SLC37A3: variants seen among roughly 807,000 people sequenced by gnomAD.
SLC37A3 encodes solute carrier family 37 member 3.
SLC37A3 carries 51 observed loss-of-function variants against 67.1 expected under a neutral mutation model. The ratio of observed to expected loss-of-function variants is 0.76; its 90% confidence interval spans 0.61 to 0.96. The LOEUF (loss-of-function observed/expected upper bound fraction) is 0.96. Ranked by LOEUF, SLC37A3 falls within the 40% of genes least tolerant of loss-of-function variation. The probability of loss-of-function intolerance (pLI) is 0.00; values close to 1 mark genes in which losing one functional copy is unlikely to be tolerated. For synonymous variants in SLC37A3, 214 were observed against 231.4 expected (o/e 0.92, Z 0.68); for missense variants, 508 against 603.0 (o/e 0.84, Z 1.65).
At chr7:140,340,833 C>T (rs1796332458) in intron 13 of SLC37A3, among the ~76,000 whole-genome samples, 4 of 151,804 alleles carry the variant, frequency 2.6e-5, no homozygotes, top group Admixed American at 2.6e-4. Context: ...TGGGAGGCTG[C>T]AGTGGGAAAA....
intron 5 of SLC37A3, among the ~76,000 whole-genome samples, chr7:140,360,926 G>T (rs6978245): frequency 6.6e-6 from 1 of 151,746 alleles, no homozygotes; most frequent in Non-Finnish European, 1.5e-5. Flanking sequence ...GGCTGTCCTT[G>T]TCTAGGGAAT....
intron 14 of SLC37A3, among the ~76,000 whole-genome samples, chr7:140,337,068 C>A (rs1348651401): frequency 7.7e-6 from 1 of 129,480 alleles, no homozygotes; most frequent in Admixed American, 9.3e-5. Flanking sequence ...CACCACACTT[C>A]AGCCTGGGCA....
intron 3 of SLC37A3, among the ~76,000 whole-genome samples, chr7:140,373,788 A>C (rs2129694284): frequency 6.6e-6 from 1 of 150,978 alleles, no homozygotes; most frequent in African/African-American, 2.4e-5. Context: ...CTACAGACAC[A>C]CTCCACCATG....
rs1796066632 is a variant in SLC37A3 at position 140,334,675 on chromosome 7, G to C, written c.*737C>G. On this transcript the variant is annotated 3_prime_UTR_variant, in exon 15 of 15. Coordinates refer to ENST00000326232, the MANE Select transcript of SLC37A3 (RefSeq NM_207113.3). ...CGTCAGAATGTTCAAGATAACTGAT[G>C]TACCTTATGGTCCTTGAAAGGAAGA... The C allele has an allele frequency of 6.4e-6, 1 of 155,656 alleles. No homozygotes were observed. The highest frequency in any genetic ancestry group is 2.4e-5 in the African/African-American group (1 of 41,442). 9.6% of individuals were successfully genotyped at this position (155,656 alleles called of 1,614,324 possible).
At chr7:140,346,027 G>T in intron 10 of SLC37A3, 57 bp from the exon 11 acceptor site, 1 of 1,272,062 alleles carries the variant, frequency 7.9e-7, no homozygotes, top group Non-Finnish European at 1.1e-6. Flanking sequence ...GCTCACCTGA[G>T]GCGTGCTCCC....
chr7:140,337,374 CAATAT>C (rs1297796566), intron 13 of SLC37A3, 25 bp from the exon 14 acceptor site: 2 of 1,521,822 alleles, frequency 1.3e-6, no homozygotes, highest in East Asian at 4.8e-5. Flanking sequence ...AAAAAAATTA[CAATAT>C]AATTCTTTAT....
intron 3 of SLC37A3, among the ~76,000 whole-genome samples, chr7:140,371,454 G>A (rs1325531002): frequency 2.0e-5 from 3 of 152,268 alleles, no homozygotes; most frequent in East Asian, 3.9e-4. Flanking sequence ...TTACAGGCGT[G>A]AGCCACCGTG....
At chr7:140,368,111 GCC>G (rs1314337313) in intron 4 of SLC37A3, among the ~76,000 whole-genome samples, 1 of 151,802 alleles carries the variant, frequency 6.6e-6, no homozygotes, top group African/African-American at 2.4e-5. Context: ...ACCGCGCCCA[GCC>G]CCACCTTTCT....
chr7:140,358,090 A>G (rs995845201), intron 6 of SLC37A3, among the ~76,000 whole-genome samples: 1 of 151,994 alleles, frequency 6.6e-6, no homozygotes, highest in Non-Finnish European at 1.5e-5. Context: ...CAAAAAAGAA[A>G]AAAAAGCTCC....
intron 3 of SLC37A3, chr7:140,379,147 C>G (rs1002788430): frequency 1.3e-5 from 2 of 151,900 alleles, no homozygotes; most frequent in Non-Finnish European, 2.9e-5. Flanking sequence ...GGAAACACGG[C>G]AAGACCCTGT....
chr7:140,382,299 C>T, intron 2 of SLC37A3, 139 bp downstream of exon 2: 1 of 703,908 alleles, frequency 1.4e-6, no homozygotes, highest in Admixed American at 2.8e-5. Context: ...TACGATATTA[C>T]AGCTATCAAG....
At chr7:140,395,500 G>T (rs941340739) in intron 1 of SLC37A3, among the ~76,000 whole-genome samples, 2 of 151,222 alleles carry the variant, frequency 1.3e-5, no homozygotes, top group Non-Finnish European at 2.9e-5. Context: ...TTGAGGTCAG[G>T]AGTTCTAGAC....
intron 4 of SLC37A3, among the ~76,000 whole-genome samples, chr7:140,367,091 T>C (rs1279548156): frequency 2.0e-5 from 3 of 151,608 alleles, no homozygotes; most frequent in Non-Finnish European, 2.9e-5. Context: ...TGAGCCAAGA[T>C]TGTGCCACTG....
At chr7:140,368,936 A>G (rs1330218100) in intron 4 of SLC37A3, among the ~76,000 whole-genome samples, 2 of 152,080 alleles carry the variant, frequency 1.3e-5, no homozygotes, top group African/African-American at 4.8e-5. Context: ...CTTCACCTCA[A>G]AAGAACTCGG....
At chr7:140,335,612 A>T in intron 14 of SLC37A3, 108 bp from the exon 15 acceptor site, 1 of 1,312,036 alleles carries the variant, frequency 7.6e-7, no homozygotes, top group Non-Finnish European at 1.0e-6. Flanking sequence ...TTTTGACTTC[A>T]TACAAAGATA....
At chr7:140,350,503 G>A (rs551220806) in intron 9 of SLC37A3, among the ~76,000 whole-genome samples, 17 of 151,878 alleles carry the variant, frequency 1.1e-4, no homozygotes, top group East Asian at 3.9e-4. Context: ...GGTGGCTCAC[G>A]CCTGTAATCC....
rs781703293 is a variant in SLC37A3 at position 140,345,923 on chromosome 7, G to C, written c.1072C>G (p.Pro358Ala). Reference protein sequence around the residue: ...FISDVLQKRAPVLALSLLLAV... With the variant: ...FISDVLQKRAAVLALSLLLAV... ...AGAAGCAGACTCAGGGCAAGAACCG[G>C]CGCTCTCTTCTGTAGTACATCAGAG... The change falls in exon 11 of 15, where the codon CCG (proline) becomes GCG (alanine). Residue 358 changes from proline to alanine, a missense_variant. Coordinates refer to ENST00000326232, the MANE Select transcript of SLC37A3 (RefSeq NM_207113.3). The C allele has an allele frequency of 4.0e-5, 64 of 1,613,910 alleles. No individual in the cohort carries two copies. In the Admixed American group the frequency reaches 1.1e-3, roughly 27 times the overall value.
At chr7:140,342,175 A>C (rs1796385127) in intron 13 of SLC37A3, among the ~76,000 whole-genome samples, 1 of 152,176 alleles carries the variant, frequency 6.6e-6, no homozygotes, top group Admixed American at 6.5e-5. Context: ...AGACTATTAA[A>C]ATACGGCTAG....
intron 3 of SLC37A3, among the ~76,000 whole-genome samples, chr7:140,374,355 G>A (rs780076661): frequency 3.9e-5 from 6 of 152,046 alleles, no homozygotes; most frequent in Non-Finnish European, 8.8e-5. Flanking sequence ...AAAACTAGCC[G>A]GGCGTGGTGG....
Sources: allele counts gnomAD v4.1 joint callset (sites outside exome capture counted in the v4.1 genomes callset), GRCh38; gene constraint gnomAD v4.1.1; transcripts MANE v1.5; gene names NCBI Gene and HGNC (gene_info 2026-07-23, HGNC 2026-07-21).